ARHGEF11: variants seen among roughly 807,000 people sequenced by gnomAD.
ARHGEF11 encodes Rho guanine nucleotide exchange factor 11.
ARHGEF11 carries 55 observed loss-of-function variants against 193.7 expected under a neutral mutation model. The ratio of observed to expected loss-of-function variants is 0.28; its 90% CI spans 0.23 to 0.36. The LOEUF (loss-of-function observed/expected upper bound fraction) is 0.36, where lower values mean the gene tolerates loss of function less well. Among genes scored for constraint, ARHGEF11 ranks in the 10% least tolerant of loss-of-function variants. The probability of loss-of-function intolerance (pLI) is 1.00; values close to 1 mark genes in which losing one functional copy is unlikely to be tolerated. For missense variants in ARHGEF11, 1,723 were observed against 2,005.6 expected (o/e 0.86, Z 2.69); for synonymous variants, 693 against 768.0 (o/e 0.90, Z 1.62).
Position 156,947,896 on chromosome 1 carries a change from C to T in ARHGEF11, c.2214G>A (p.Glu738=), listed in dbSNP as rs374376538. The change falls in exon 25 of 41, where the codon GAG becomes GAA. Residue 738 remains glutamate (E), a synonymous_variant. Coordinates refer to ENST00000368194, the MANE Select transcript of ARHGEF11 (RefSeq NM_198236.3). ...CTDTLLPHLL[E]DDLGQLSDLE... ...GGTCAGACAGCTGGCCCAGATCATC[C>T]TCTAGGAGGTGGGGAAGGAGGGTAT... 1 of 1,614,130 alleles carries T rather than the reference C, an allele frequency of 6.2e-7. No homozygotes were observed.
rs1017872687 is a variant in ARHGEF11 at position 156,958,983 on chromosome 1, G to C, written c.1379+63C>G. On this transcript the variant is annotated intron_variant, in intron 16 of 40. Coordinates refer to ENST00000368194, the MANE Select transcript of ARHGEF11 (RefSeq NM_198236.3). Reference sequence around the variant, plus strand: ...GATATGTGCACGTCCCAGAGGGAAGGAGCCAGGGCCAAGAGGCGGAGGTGA... The same window carrying C: ...GATATGTGCACGTCCCAGAGGGAAGCAGCCAGGGCCAAGAGGCGGAGGTGA... 8 of 1,610,688 alleles carry C rather than the reference G, an allele frequency of 5.0e-6. No individual in the cohort carries two copies. The South Asian group carries it at 8.8e-5, about 18-fold the overall frequency.
chr1:157,001,645 C>T (rs576047221), intron 1 of ARHGEF11, among the ~76,000 whole-genome samples: 3 of 152,340 alleles, frequency 2.0e-5, no homozygotes, highest in South Asian at 2.1e-4. Flanking sequence ...ATCTAGATCA[C>T]ACAAATGGAG....
rs980833451 is a variant in ARHGEF11, at chr1:157,004,108, T to C, written c.33-17935A>G. On this transcript the variant is annotated intron_variant, in intron 1 of 40. Coordinates refer to ENST00000368194, the MANE Select transcript of ARHGEF11 (RefSeq NM_198236.3). ...CTAATGTCTAAAAAGATTAAATCAC[T>C]TGTCCTAGGTTTGGGACACAGTTGA... Among the ~76,000 whole-genome samples, 6 of 152,334 alleles carry C rather than the reference T, an allele frequency of 3.9e-5. No homozygotes were observed. The South Asian group carries it at 1.2e-3, about 32-fold the overall frequency.
intron 1 of ARHGEF11, among the ~76,000 whole-genome samples, chr1:157,031,866 T>C (rs1305707629): frequency 2.0e-5 from 3 of 152,210 alleles, no homozygotes; most frequent in African/African-American, 7.2e-5. Context: ...TTGAGTGCAG[T>C]AACCACGTGT....
chr1:156,998,655 T>C (rs947043574), intron 1 of ARHGEF11, among the ~76,000 whole-genome samples: 1 of 152,164 alleles, frequency 6.6e-6, no homozygotes, highest in Non-Finnish European at 1.5e-5. Flanking sequence ...TCAGACACAA[T>C]TAGTAAGCTA....
intron 21 of ARHGEF11, 143 bp downstream of exon 21, chr1:156,954,749 A>G (rs560487294): frequency 1.7e-5 from 13 of 782,032 alleles, no homozygotes; most frequent in East Asian, 7.5e-5. Context: ...TGAGCAACGC[A>G]TAAGAGAAAT....
chr1:156,943,013 G>A (rs1657374591), intron 32 of ARHGEF11, among the ~76,000 whole-genome samples: 1 of 151,600 alleles, frequency 6.6e-6, no homozygotes, highest in Non-Finnish European at 1.5e-5. Flanking sequence ...TTCCTCTCCT[G>A]CTCTAATAAC....
At position 156,961,128 on chromosome 1, in the gene ARHGEF11, G is replaced by A. The variant is rs1263046419; in HGVS notation, c.1239+549C>T. 3.9e-5 allele frequency among the ~76,000 whole-genome samples: 6 copies of A among 152,346 alleles called. No individual in the cohort carries two copies. In the East Asian group the frequency reaches 7.7e-4, roughly 20 times the overall value. On this transcript the variant is annotated intron_variant, in intron 14 of 40. Transcript: ENST00000368194. The stretch of plus-strand genomic sequence containing the variant: ...ATCAGATTAGAAAGTCTGGGATGGC[G>A]ATTGCCCTTTGCAGGCAGAAATGCT...
At chr1:157,016,459 A>T (rs1391763222) in intron 1 of ARHGEF11, among the ~76,000 whole-genome samples, 1 of 152,118 alleles carries the variant, frequency 6.6e-6, no homozygotes, top group Non-Finnish European at 1.5e-5. Flanking sequence ...GCCTCAAGTG[A>T]TCCACCTGCC....
intron 1 of ARHGEF11, among the ~76,000 whole-genome samples, chr1:157,037,255 C>T (rs762468072): frequency 4.6e-5 from 7 of 152,170 alleles, no homozygotes; most frequent in Admixed American, 2.0e-4. Flanking sequence ...TTCAGAAGCT[C>T]GTTATCTTTT....
chr1:157,042,685 G>A (rs1249505382), intron 1 of ARHGEF11, among the ~76,000 whole-genome samples: 1 of 152,134 alleles, frequency 6.6e-6, no homozygotes, highest in African/African-American at 2.4e-5. Context: ...TATCTATGAG[G>A]ATATCCAAAC....
At chr1:156,962,988 T>A (rs2102198592) in intron 13 of ARHGEF11, among the ~76,000 whole-genome samples, 1 of 147,772 alleles carries the variant, frequency 6.8e-6, no homozygotes. Context: ...CTCTTGCTCC[T>A]CCCTAGGCAG....
chr1:157,044,409 A>G lies in ARHGEF11; in HGVS notation c.-79T>C, dbSNP rs1170261897. 7 of 1,468,660 alleles carry G rather than the reference A, an allele frequency of 4.8e-6. No homozygotes were observed. The African/African-American group carries it at 8.4e-5, about 18-fold the overall frequency. 91.0% of individuals were successfully genotyped at this position (1,468,660 alleles called of 1,614,324 possible). ...AGGATTGAATCGCTTGCAATTTTTG[A>G]GCAAGGTGAGAGGAGGGCCTCCCAA... On this transcript the variant is annotated 5_prime_UTR_variant, in exon 1 of 41. Transcript: ENST00000368194.
chr1:156,970,149 C>T (rs568453613), intron 8 of ARHGEF11, 106 bp from the exon 9 acceptor site: 48 of 908,710 alleles, frequency 5.3e-5, no homozygotes, highest in East Asian at 2.2e-4. Flanking sequence ...TGGCCTCTTC[C>T]GCTTCATTGC....
chr1:156,937,234 CCCTGCTT>C lies in ARHGEF11; in HGVS notation c.4440+8_4440+14del, dbSNP rs771971578. The C allele has an allele frequency of 1.6e-3, 2,656 of 1,613,734 alleles. 30 individuals carry two copies. The African/African-American group carries it at 0.028, about 17-fold the overall frequency. On this transcript the variant is annotated splice_region_variant and intron_variant, in intron 39 of 40. Coordinates refer to ENST00000368194, the MANE Select transcript of ARHGEF11 (RefSeq NM_198236.3). ...GACTGAAGGCCTGCAGGGACCCAAG[CCCTGCTT>C]CCCTCACCTTGAGCCTGTTGAGCTT...
intron 2 of ARHGEF11, 58 bp from the exon 3 acceptor site, chr1:156,984,495 T>C: frequency 7.6e-7 from 1 of 1,322,372 alleles, no homozygotes; most frequent in Non-Finnish European, 1.1e-6. Flanking sequence ...AGTGTACACA[T>C]GCCAAGACCA....
intron 1 of ARHGEF11, among the ~76,000 whole-genome samples, chr1:157,038,523 T>C (rs1672349879): frequency 6.6e-6 from 1 of 152,246 alleles, no homozygotes; most frequent in Non-Finnish European, 1.5e-5. Flanking sequence ...AAGGGATTTC[T>C]AATTGTTGAA....
chr1:156,989,772 A>C (rs1398652191), intron 1 of ARHGEF11, among the ~76,000 whole-genome samples: 1 of 152,248 alleles, frequency 6.6e-6, no homozygotes, highest in Non-Finnish European at 1.5e-5. Flanking sequence ...GAAAAAGGTC[A>C]AACTACATTA....
At chr1:156,936,684 G>A (rs1448605268) in intron 40 of ARHGEF11, 132 bp downstream of exon 40, 3 of 1,080,988 alleles carry the variant, frequency 2.8e-6, no homozygotes, top group Admixed American at 2.3e-5. Flanking sequence ...GAAGCTGAGA[G>A]AATGAACTCG....
Sources: allele counts gnomAD v4.1 joint callset (sites outside exome capture counted in the v4.1 genomes callset), GRCh38; gene constraint gnomAD v4.1.1; transcripts MANE v1.5; gene names NCBI Gene and HGNC (gene_info 2026-07-23, HGNC 2026-07-21).